Variants in GNG7 observed in about 807,000 individuals in gnomAD.
GNG7 encodes the protein G protein subunit gamma 7.
GNG7 carries 1 observed loss-of-function variant against 4.0 expected under a neutral mutation model. The ratio of observed to expected loss-of-function variants is 0.25; its 90% CI spans 0.09 to 1.18. GNG7 has a LOEUF of 1.18. Ranked by LOEUF, GNG7 falls within the 50% of genes most tolerant of loss-of-function variation. The probability of loss-of-function intolerance (pLI) is 0.50; values close to 1 mark genes in which losing one functional copy is unlikely to be tolerated. For missense variants in GNG7, 86 were observed against 91.9 expected (o/e 0.94, Z 0.26); for synonymous variants, 34 against 36.9 (o/e 0.92, Z 0.29).
At chr19:2,567,350 T>TGTGTGTGTGTGTGTGA (rs1259433698) in intron 2 of GNG7, among the ~76,000 whole-genome samples, 3 of 150,866 alleles carry the variant, frequency 2.0e-5, no homozygotes, top group African/African-American at 7.4e-5. Context: ...TGTGTGTGTG[T>TGTGTGTGTGTGTGTGA]GACATAGGGT....
chr19:2,643,964 TCATA>T, intron 2 of GNG7: 1 of 223,926 alleles, frequency 4.5e-6, no homozygotes, highest in Admixed American at 5.2e-5. Flanking sequence ...ATGTTTGGCT[TCATA>T]AATAAATATT....
chr19:2,688,153 T>G (rs1983918175), intron 1 of GNG7, among the ~76,000 whole-genome samples: 1 of 152,102 alleles, frequency 6.6e-6, no homozygotes, highest in Admixed American at 6.6e-5. Flanking sequence ...CTCGGGAGGC[T>G]GAGGCAGGAG....
chr19:2,624,400 G>A (rs1981959227), intron 2 of GNG7, among the ~76,000 whole-genome samples: 1 of 151,242 alleles, frequency 6.6e-6, no homozygotes, highest in Non-Finnish European at 1.5e-5. Flanking sequence ...GCGTGGTGGT[G>A]GGCGCCTGTA....
intron 3 of GNG7, among the ~76,000 whole-genome samples, chr19:2,529,178 C>A (rs1336097872): frequency 1.3e-5 from 2 of 152,132 alleles, no homozygotes; most frequent in Non-Finnish European, 2.9e-5. Flanking sequence ...AACTGGGTGT[C>A]CTGAAATTAC....
intron 2 of GNG7, among the ~76,000 whole-genome samples, chr19:2,589,937 G>A (rs1336020619): frequency 1.3e-5 from 2 of 152,092 alleles, no homozygotes; most frequent in African/African-American, 4.8e-5. Flanking sequence ...TCAGCCTCCC[G>A]AGTAGCTTGA....
In GNG7 at chr19:2,611,905, C is replaced by A. The variant is rs531455963; in HGVS notation, c.-78+34319G>T. On this transcript the variant is annotated intron_variant, in intron 2 of 4. Transcript: ENST00000382159. This position sits in a 1 kb window ranked among gnomAD's most constrained non-coding sequence, Gnocchi z 6.0. ...CTTTTTTTTTTTTGAGATGGAGTCT[C>A]GCTCTGTCACCAGGCTGAAGTGCAG... is the stretch of plus-strand genomic sequence containing the variant. The A allele has an allele frequency of 6.6e-6, 1 of 151,108 alleles. No homozygotes were observed. The highest frequency in any genetic ancestry group is 1.5e-5 in the Non-Finnish European group (1 of 67,840). 9.4% of individuals were successfully genotyped at this position (151,108 alleles called of 1,614,324 possible).
At chr19:2,531,770 C>CAAA (rs57772201) in intron 3 of GNG7, among the ~76,000 whole-genome samples, 14 of 128,276 alleles carry the variant, frequency 1.1e-4, no homozygotes, top group Non-Finnish European at 3.5e-5. Context: ...GACTCCGTCC[C>CAAA]AAAAAAAAAA....
At chr19:2,608,051 G>GAAA (rs56935207) in intron 2 of GNG7, among the ~76,000 whole-genome samples, 273 of 99,096 alleles carry the variant, frequency 2.8e-3, no homozygotes, top group African/African-American at 9.4e-3. Context: ...TGGTATTTGA[G>GAAA]AAAAAAAAAA....
chr19:2,610,353 T>C (rs533673341), intron 2 of GNG7: 3 of 143,858 alleles, frequency 2.1e-5, no homozygotes, highest in South Asian at 2.2e-4. Flanking sequence ...TATTTATTTA[T>C]TATTACTTTT....
intron 2 of GNG7, among the ~76,000 whole-genome samples, chr19:2,594,457 G>C (rs1044878076): frequency 3.5e-5 from 5 of 144,240 alleles, no homozygotes; most frequent in Admixed American, 6.8e-5. Context: ...GAGGAAGAAA[G>C]AAACTGCAAA....
intron 2 of GNG7, among the ~76,000 whole-genome samples, chr19:2,640,401 C>A (rs1982474687): frequency 6.6e-6 from 1 of 152,086 alleles, no homozygotes; most frequent in Admixed American, 6.5e-5. Context: ...AGTGCCTTAA[C>A]GAGCGTCAAG....
Position 2,546,525 on chromosome 19 carries a change from G to A in GNG7, c.-38+8624C>T, listed in dbSNP as rs1256212842. 6.6e-6 allele frequency among the ~76,000 whole-genome samples: 1 copy of A among 152,234 alleles called. No homozygotes were observed. The highest frequency in any genetic ancestry group is 1.5e-5 in the Non-Finnish European group (1 of 68,042). On this transcript the variant is annotated intron_variant, in intron 3 of 4. Transcript: ENST00000382159. This position sits in a 1 kb window ranked among gnomAD's most constrained non-coding sequence, Gnocchi z 6.3. ...CTGTCCCTGTCAGTGTGGGCCCTTTGCTCTCAGGCTAAATCGGTCCCCGGG... is the reference window on the plus strand; with the variant it reads ...CTGTCCCTGTCAGTGTGGGCCCTTTACTCTCAGGCTAAATCGGTCCCCGGG...
rs766472325 is a variant in GNG7, at chr19:2,520,597, G to A, written c.81+11C>T. 49 of 1,496,778 alleles carry A rather than the reference G, an allele frequency of 3.3e-5. No individual in the cohort carries two copies. In the East Asian group the frequency reaches 4.9e-4, roughly 15 times the overall value. 92.7% of individuals were successfully genotyped at this position (1,496,778 alleles called of 1,614,324 possible). A position where few individuals can be genotyped will look rare whatever the true frequency, so the allele number is the denominator to read the frequency against. ...CTCTCCCCTCCTCTTCCTGATGCCCGCTGGGCTCACCTTGATGCGCTCAAT... is the reference window on the plus strand; with the variant it reads ...CTCTCCCCTCCTCTTCCTGATGCCCACTGGGCTCACCTTGATGCGCTCAAT... On this transcript the variant is annotated intron_variant, in intron 4 of 4. Coordinates refer to ENST00000382159, the MANE Select transcript of GNG7 (RefSeq NM_052847.3).
chr19:2,621,295 G>A (rs1018688315), intron 2 of GNG7, among the ~76,000 whole-genome samples: 6 of 151,802 alleles, frequency 4.0e-5, no homozygotes, highest in South Asian at 2.1e-4. Flanking sequence ...AAGCTGAGGC[G>A]GGAGGATTGC....
intron 4 of GNG7, among the ~76,000 whole-genome samples, chr19:2,519,094 C>G (rs1978295168): frequency 6.6e-6 from 1 of 150,850 alleles, no homozygotes; most frequent in South Asian, 2.1e-4. Context: ...CCGTGCCTGG[C>G]CAGTTAAATG....
chr19:2,570,300 G>A (rs1041084571), intron 2 of GNG7, among the ~76,000 whole-genome samples: 1 of 152,106 alleles, frequency 6.6e-6, no homozygotes, highest in African/African-American at 2.4e-5. Context: ...GAACTGTATG[G>A]TCTGTAGAAC....
At chr19:2,580,301 T>A (rs1599403280) in intron 2 of GNG7, among the ~76,000 whole-genome samples, 1 of 119,470 alleles carries the variant, frequency 8.4e-6, no homozygotes. Flanking sequence ...TTTTTTTTTT[T>A]TTTTTTTGAG....
chr19:2,692,578 T>G (rs1262908117), intron 1 of GNG7, among the ~76,000 whole-genome samples: 2 of 145,208 alleles, frequency 1.4e-5, no homozygotes, highest in African/African-American at 5.2e-5. Context: ...GAGCTTGCAG[T>G]GAGCCGAGAT....
chr19:2,538,104 A>T (rs190843209), intron 3 of GNG7: 31 of 455,228 alleles, frequency 6.8e-5, no homozygotes, highest in African/African-American at 6.2e-4. Flanking sequence ...ACAAAACAAA[A>T]CAACAATGAA....
Sources: gnomAD v4.1 joint callset for allele counts (sites outside exome capture counted in the v4.1 genomes callset) on GRCh38, gnomAD v4.1.1 for gene constraint, Gnocchi (gnomAD v3.1) non-coding constraint, MANE v1.5 for transcripts, NCBI Gene and HGNC (gene_info 2026-07-23, HGNC 2026-07-21) for gene names.